The following PRMT3 variants were observed in gnomAD, a reference collection of about 807,000 sequenced individuals.
PRMT3 encodes protein arginine N-methyltransferase 3.
Under a neutral mutation model 71.9 loss-of-function variants are expected in PRMT3, and 62 were observed. The observed-to-expected ratio is 0.86, with a 90% CI of 0.70 to 1.07. PRMT3 has a LOEUF of 1.07. Among genes scored for constraint, PRMT3 ranks in the 50% least tolerant of loss-of-function variants. PRMT3 has a pLI of 0.00. For missense variants in PRMT3, 663 were observed against 643.0 expected, an observed-to-expected ratio of 1.03 and a Z score of -0.34; for synonymous variants, 213 against 220.4, an observed-to-expected ratio of 0.97 and a Z score of 0.30.
At position 20,388,973 on chromosome 11, in the gene PRMT3, A is replaced by C. The variant is rs190006078; in HGVS notation, c.165-771A>C. On this transcript the variant is annotated intron_variant, in intron 2 of 15. Transcript: ENST00000331079. Reference sequence around the variant, plus strand: ...GTGGTGCGTTAGTGTTCTCATCTGTAGCCCCATTGGGTAGATAGAATGCCT... The same window carrying C: ...GTGGTGCGTTAGTGTTCTCATCTGTCGCCCCATTGGGTAGATAGAATGCCT... Among the ~76,000 whole-genome samples, 56 of 152,310 alleles carry C rather than the reference A, an allele frequency of 3.7e-4. 1 individual carries two copies. Among genetic ancestry groups the C allele is most frequent in the Admixed American group, 3.3e-3 (51 of 15,296 alleles).
chr11:20,421,668 T>G (rs1178983062), intron 9 of PRMT3, among the ~76,000 whole-genome samples: 1 of 152,200 alleles, frequency 6.6e-6, no homozygotes, highest in Non-Finnish European at 1.5e-5. Flanking sequence ...AATTTCTCTT[T>G]TTTACATCAT....
At chr11:20,417,936 T>G (rs1158890792) in intron 9 of PRMT3, among the ~76,000 whole-genome samples, 1 of 152,110 alleles carries the variant, frequency 6.6e-6, no homozygotes, top group Non-Finnish European at 1.5e-5. Flanking sequence ...TAGTCCCCAA[T>G]CCTGTTTACT....
rs1038344740 is a variant in PRMT3 at position 20,402,394 on chromosome 11, C to T, written c.706-525C>T. 5.3e-5 allele frequency among the ~76,000 whole-genome samples: 8 copies of T among 152,246 alleles called. 1 individual carries two copies. Among genetic ancestry groups the T allele is most frequent in the Admixed American group, 6.5e-5 (1 of 15,298 alleles). On this transcript the variant is annotated intron_variant, in intron 7 of 15. Coordinates refer to ENST00000331079, the MANE Select transcript of PRMT3 (RefSeq NM_005788.4). ...TCGGCCTCCCAAAGTGCTGGGATTA[C>T]AGGTGTGAGCCACTGAACCCAGCCT...
At chr11:20,470,735 A>G (rs763819070) in intron 13 of PRMT3, among the ~76,000 whole-genome samples, 1 of 152,128 alleles carries the variant, frequency 6.6e-6, no homozygotes, top group Non-Finnish European at 1.5e-5. Flanking sequence ...TGAATTATTT[A>G]TATTACACTG....
chr11:20,477,461 G>A (rs1850819521), intron 13 of PRMT3, among the ~76,000 whole-genome samples: 1 of 152,056 alleles, frequency 6.6e-6, no homozygotes, highest in Non-Finnish European at 1.5e-5. Flanking sequence ...GGATGCTGAA[G>A]CAGGAGAATC....
chr11:20,445,082 CATAGGTTA>C (rs1849993898), intron 10 of PRMT3, among the ~76,000 whole-genome samples: 2 of 8,090 alleles, frequency 2.5e-4, no homozygotes, highest in Non-Finnish European at 8.3e-3. Flanking sequence ...AATATAAAAA[CATAGGTTA>C]AAAGTGGATT....
intron 13 of PRMT3, among the ~76,000 whole-genome samples, chr11:20,481,458 C>A (rs1850930548): frequency 6.6e-6 from 1 of 152,038 alleles, no homozygotes; most frequent in African/African-American, 2.4e-5. Flanking sequence ...ATTTTTAATA[C>A]AATATGGCAC....
intron 7 of PRMT3, among the ~76,000 whole-genome samples, chr11:20,398,012 TAAAAAAAAAAA>T (rs11424785): frequency 8.2e-6 from 1 of 121,718 alleles, no homozygotes; most frequent in African/African-American, 3.1e-5. Flanking sequence ...TGTCTCTATT[TAAAAAAAAAAA>T]AAAAAAAAAA....
At chr11:20,421,866 C>T (rs1458532525) in intron 9 of PRMT3, among the ~76,000 whole-genome samples, 1 of 152,124 alleles carries the variant, frequency 6.6e-6, no homozygotes, top group Non-Finnish European at 1.5e-5. Context: ...ATAAAGTACT[C>T]GAGAATGGGG....
At chr11:20,467,473 T>TA (rs56061019) in intron 13 of PRMT3, among the ~76,000 whole-genome samples, 11,466 of 152,250 alleles carry the variant, frequency 0.075, 594 homozygotes, top group Middle Eastern at 0.15. Flanking sequence ...TAAAAGAACT[T>TA]AGAGAAACCT....
At position 20,503,630 on chromosome 11, in the gene PRMT3, A is replaced by ATT. The variant is rs369672175; in HGVS notation, c.1487-4663_1487-4662dup. Among the ~76,000 whole-genome samples the ATT allele has an allele frequency of 4.4e-3, 645 of 145,212 alleles. 4 individuals are homozygous for ATT. Among genetic ancestry groups the ATT allele is most frequent in the African/African-American group, 0.014 (569 of 39,822 alleles). ...CAGCATGTACTCTAGCTTTCTTGGCATTTTTTTTTTTTGAGATTCTTCTAT... is the reference window on the plus strand; with the variant it reads ...CAGCATGTACTCTAGCTTTCTTGGCATTTTTTTTTTTTTTGAGATTCTTCTAT... On this transcript the variant is annotated intron_variant, in intron 15 of 15. Transcript: ENST00000331079.
chr11:20,392,273 C>G lies in PRMT3; in HGVS notation c.297+13C>G, dbSNP rs965261796. On this transcript the variant is annotated intron_variant, in intron 4 of 15. Coordinates refer to ENST00000331079, the MANE Select transcript of PRMT3 (RefSeq NM_005788.4). Reference sequence around the variant, plus strand: ...TATTAGACTTAAGGTAAGTTGACAGCTTAATTTATAATTTCGTTTAGAAAT... The same window carrying G: ...TATTAGACTTAAGGTAAGTTGACAGGTTAATTTATAATTTCGTTTAGAAAT... 3 of 1,550,684 alleles carry G rather than the reference C, an allele frequency of 1.9e-6. No individual in the cohort carries two copies. In the African/African-American group the frequency reaches 4.1e-5, roughly 21 times the overall value.
intron 10 of PRMT3, among the ~76,000 whole-genome samples, chr11:20,446,531 C>T (rs1850034047): frequency 6.6e-6 from 1 of 151,826 alleles, no homozygotes; most frequent in Non-Finnish European, 1.5e-5. Context: ...ACTTTTTTCC[C>T]ACAGGAACAT....
At position 20,504,003 on chromosome 11, in the gene PRMT3, A is replaced by C. The variant is rs575185055; in HGVS notation, c.1487-4301A>C. 7.9e-5 allele frequency among the ~76,000 whole-genome samples: 12 copies of C among 152,324 alleles called. No homozygotes were observed. The East Asian group carries it at 2.3e-3, about 29-fold the overall frequency. ...TTTTTAACACTTATAAAAAAGATGC[A>C]GTATTTTAAGCCGTTTTGAGTATGT... is the stretch of plus-strand genomic sequence containing the variant. On this transcript the variant is annotated intron_variant, in intron 15 of 15. Coordinates refer to ENST00000331079, the MANE Select transcript of PRMT3 (RefSeq NM_005788.4).
chr11:20,502,620 T>C (rs754556121), intron 15 of PRMT3, among the ~76,000 whole-genome samples: 4 of 152,220 alleles, frequency 2.6e-5, no homozygotes, highest in African/African-American at 7.2e-5. Flanking sequence ...AGAACTCTTA[T>C]AGGTACATCC....
intron 10 of PRMT3, among the ~76,000 whole-genome samples, chr11:20,443,908 A>G (rs1171176508): frequency 3.9e-5 from 6 of 152,234 alleles, no homozygotes; most frequent in Admixed American, 6.5e-5. Flanking sequence ...GAAGTCCACA[A>G]TACTAAAAAG....
intron 13 of PRMT3, among the ~76,000 whole-genome samples, chr11:20,467,189 AATGTTAACTCTT>A (rs1276166652): frequency 2.0e-5 from 3 of 152,180 alleles, no homozygotes; most frequent in African/African-American, 7.2e-5. Flanking sequence ...GTTAGCATTG[AATGTTAACTCTT>A]CTGACATTAT....
intron 15 of PRMT3, among the ~76,000 whole-genome samples, chr11:20,502,265 A>G (rs1851476481): frequency 1.3e-5 from 2 of 152,232 alleles, no homozygotes; most frequent in Admixed American, 6.5e-5. Flanking sequence ...TCATTCTGGT[A>G]TTATAGCCAC....
At chr11:20,485,922 G>A (rs929501846) in intron 13 of PRMT3, among the ~76,000 whole-genome samples, 4 of 152,172 alleles carry the variant, frequency 2.6e-5, no homozygotes, top group African/African-American at 9.6e-5. Context: ...GTTTATAGCA[G>A]CATTATTCAT....
Sources: gnomAD v4.1 joint callset for allele counts (sites outside exome capture counted in the v4.1 genomes callset) on GRCh38, gnomAD v4.1.1 for gene constraint, MANE v1.5 for transcripts, NCBI Gene and HGNC (gene_info 2026-07-23, HGNC 2026-07-21) for gene names.